The following SHROOM4 variants were observed in gnomAD, a reference collection of about 807,000 sequenced individuals.
SHROOM4 encodes shroom family member 4.
A neutral mutation model predicts 80.3 loss-of-function variants in SHROOM4; 17 were observed. That is an observed-to-expected ratio of 0.21 (90% confidence interval 0.14 to 0.32). The LOEUF is 0.32. Ranked by LOEUF, SHROOM4 falls within the 10% of genes least tolerant of loss-of-function variation. SHROOM4 has a pLI of 1.00. For missense variants in SHROOM4, 993 were observed against 1,140.3 expected, an observed-to-expected ratio of 0.87 and a Z score of 1.86; for synonymous variants, 400 against 437.5, an observed-to-expected ratio of 0.91 and a Z score of 1.07.
At chrX:50,667,883 A>G (rs1289025876) in intron 2 of SHROOM4, among the ~76,000 whole-genome samples, 1 of 111,389 alleles carries the variant, frequency 9.0e-6, no homozygotes, top group Non-Finnish European at 1.9e-5. Flanking sequence ...ATAAGCCCCA[A>G]TAAGAGCCTG....
intron 1 of SHROOM4, among the ~76,000 whole-genome samples, chrX:50,753,377 T>C (rs1209823495): frequency 8.9e-6 from 1 of 112,291 alleles, no homozygotes; most frequent in Non-Finnish European, 1.9e-5. Context: ...ATATGGGTAA[T>C]AATTTAAAGA....
At position 50,795,105 on chromosome X, in the gene SHROOM4, TATATATATG is replaced by T. The variant is rs1935956770; in HGVS notation, c.117+18788_117+18796del. Reference sequence around the variant, plus strand: ...ATATATATGATATATATATATGATATATATATATGATATATATATATGATATATATATAT... The same window carrying T: ...ATATATATGATATATATATATGATATATATATATATATGATATATATATAT... On this transcript the variant is annotated intron_variant, in intron 1 of 8. Transcript: ENST00000376020. Among the ~76,000 whole-genome samples the T allele has an allele frequency of 6.7e-4, 34 of 50,993 alleles. 5 individuals carry two copies. The highest frequency in any genetic ancestry group is 3.1e-3 in the African/African-American group (33 of 10,750). 44.3% of individuals were successfully genotyped at this position (50,993 alleles called of 115,157 possible).
At chrX:50,737,249 T>C (rs1321650622) in intron 1 of SHROOM4, among the ~76,000 whole-genome samples, 2 of 110,059 alleles carry the variant, frequency 1.8e-5, no homozygotes, top group Non-Finnish European at 3.8e-5. Flanking sequence ...ATTAAAACGG[T>C]ACACTAGAAA....
intron 3 of SHROOM4, among the ~76,000 whole-genome samples, chrX:50,636,531 G>T (rs1007648471): frequency 3.6e-5 from 4 of 110,764 alleles, no homozygotes; most frequent in Non-Finnish European, 7.5e-5. Context: ...GATTCCGGGG[G>T]TACACGTACA....
intron 1 of SHROOM4, among the ~76,000 whole-genome samples, chrX:50,804,516 G>C (rs1351443074): frequency 3.6e-5 from 4 of 111,603 alleles, no homozygotes; most frequent in Non-Finnish European, 5.6e-5. Flanking sequence ...CTATTTCTCT[G>C]TCTTTCACCT....
At chrX:50,811,268 C>T (rs1936324194) in intron 1 of SHROOM4, among the ~76,000 whole-genome samples, 1 of 110,857 alleles carries the variant, frequency 9.0e-6, no homozygotes, top group Non-Finnish European at 1.9e-5. Flanking sequence ...GCTGGCACCA[C>T]TGTACTCCAG....
At chrX:50,620,001 C>T (rs1557251713) in intron 5 of SHROOM4, among the ~76,000 whole-genome samples, 1 of 111,044 alleles carries the variant, frequency 9.0e-6, no homozygotes, top group Admixed American at 9.5e-5. Flanking sequence ...TCTAGCAAAC[C>T]CAATTCTAGC....
At chrX:50,701,656 GATA>G (rs1314606953) in intron 1 of SHROOM4, among the ~76,000 whole-genome samples, 2 of 111,755 alleles carry the variant, frequency 1.8e-5, no homozygotes, top group Non-Finnish European at 3.8e-5. Context: ...TAATATTGGT[GATA>G]ATAAATTAGA....
At chrX:50,610,352 T>TCTCTCTCACA (rs782591424) in intron 5 of SHROOM4, among the ~76,000 whole-genome samples, 4 of 91,720 alleles carry the variant, frequency 4.4e-5, no homozygotes, top group African/African-American at 1.8e-4. Flanking sequence ...TCTCTCTCTC[T>TCTCTCTCACA]CACACACACA....
rs1931439129 is a variant in SHROOM4, at chrX:50,638,200, C to T, written c.378G>A (p.Leu126=). 1 of 1,206,588 alleles carries T rather than the reference C, an allele frequency of 8.3e-7. No individual in the cohort carries two copies. Among genetic ancestry groups the T allele is most frequent in the African/African-American group, 1.8e-5 (1 of 57,131 alleles). ...TMHFPSEAFS[L]SWHSGCNTSD... is the part of the protein sequence containing the mutation. ...TTGTGTTGCAGCCAGAATGCCAGGA[C>T]AAGCTGAAGGCTTCAGAAGGGAAAT... is the stretch of plus-strand genomic sequence containing the variant. Residue 126 remains leucine, a synonymous_variant, in exon 3 of 9, where the codon TTG becomes TTA. Coordinates refer to ENST00000376020, the MANE Select transcript of SHROOM4 (RefSeq NM_020717.5).
chrX:50,713,668 A>AC (rs1464079093), intron 1 of SHROOM4, among the ~76,000 whole-genome samples: 8 of 112,037 alleles, frequency 7.1e-5, no homozygotes, highest in African/African-American at 2.6e-4. Context: ...CCTAAGGTTC[A>AC]CCCTGTCCTC....
chrX:50,675,517 G>A (rs1932843321), intron 2 of SHROOM4, among the ~76,000 whole-genome samples: 3 of 110,865 alleles, frequency 2.7e-5, no homozygotes, highest in Non-Finnish European at 3.8e-5. Context: ...CAGGAAAGGA[G>A]GAGAGGGCAT....
Position 50,635,383 on chromosome X carries a change from C to G in SHROOM4, c.690G>C (p.Arg230=), listed in dbSNP as rs782250206. The part of the protein sequence containing the change: ...GPGPTKAPSG[R]PNVAETSGGS... ...CTCCTGAGGTCTCAGCCACATTAGG[C>G]CGGCCACTGGGGGCCTTAGTTGGCC... The change falls in exon 4 of 9, where the codon CGG becomes CGC. Residue 230 remains arginine (R), a synonymous_variant. Coordinates refer to ENST00000376020, the MANE Select transcript of SHROOM4 (RefSeq NM_020717.5). The G allele has an allele frequency of 8.3e-7, 1 of 1,205,367 alleles. No homozygotes were observed. Among genetic ancestry groups the G allele is most frequent in the Admixed American group, 2.2e-5 (1 of 45,394 alleles).
rs201547622 is a variant in SHROOM4, at chrX:50,622,258, CAG to C, written c.2957+5354_2957+5355del. On this transcript the variant is annotated intron_variant, in intron 5 of 8. Transcript: ENST00000376020. ...AAACGGGAAAAATAAGGTTTAACCT[CAG>C]TGTTGTTGTGAGAATTAACTGTGGT... Among the ~76,000 whole-genome samples, 439 of 111,557 alleles carry C rather than the reference CAG, an allele frequency of 3.9e-3. 2 individuals carry two copies. The highest frequency in any genetic ancestry group is 5.9e-3 in the Non-Finnish European group (316 of 53,123).
At chrX:50,804,814 C>A (rs1936194207) in intron 1 of SHROOM4, among the ~76,000 whole-genome samples, 1 of 111,897 alleles carries the variant, frequency 8.9e-6, no homozygotes, top group Non-Finnish European at 1.9e-5. Context: ...CCTTTGGGTT[C>A]AAGAGGTTAC....
At chrX:50,742,950 T>G (rs1480208831) in intron 1 of SHROOM4, among the ~76,000 whole-genome samples, 1 of 112,240 alleles carries the variant, frequency 8.9e-6, no homozygotes, top group Non-Finnish European at 1.9e-5. Flanking sequence ...CATTTATTTA[T>G]TTAACCCATA....
rs781956414 is a variant in SHROOM4 at position 50,634,842 on chromosome X, T to C, written c.1231A>G (p.Ser411Gly). The C allele has an allele frequency of 3.3e-6, 4 of 1,208,843 alleles. No homozygotes were observed. In the South Asian group the frequency reaches 5.3e-5, roughly 16 times the overall value. The change falls in exon 4 of 9, where the codon AGT (serine) becomes GGT (glycine). Residue 411 changes from serine to glycine, a missense_variant. Coordinates refer to ENST00000376020, the MANE Select transcript of SHROOM4 (RefSeq NM_020717.5). ...GATGCCAGCAGCTGTTCAGGGGCAC[T>C]ATGGCGATGCCCTGTGGGTCCTATG... Reference protein sequence around the residue: ...HLIGPTGHRHSAPEQLLASHL... With the variant: ...HLIGPTGHRHGAPEQLLASHL...
intron 1 of SHROOM4, among the ~76,000 whole-genome samples, chrX:50,698,456 G>C (rs1933431809): frequency 9.0e-6 from 1 of 111,533 alleles, no homozygotes; most frequent in Non-Finnish European, 1.9e-5. Context: ...CAAATTTTGG[G>C]TCCCCAGCAT....
intron 1 of SHROOM4, among the ~76,000 whole-genome samples, chrX:50,724,472 T>TTCTC (rs1934200836): frequency 8.9e-6 from 1 of 112,764 alleles, no homozygotes; most frequent in African/African-American, 3.2e-5. Context: ...CTTTCTTTCT[T>TTCTC]TCTTTTTTTC....
Sources: gnomAD v4.1 joint callset for allele counts (sites outside exome capture counted in the v4.1 genomes callset) on GRCh38, gnomAD v4.1.1 for gene constraint, MANE v1.5 for transcripts, NCBI Gene and HGNC (gene_info 2026-07-23, HGNC 2026-07-21) for gene names.